The following MACROD2 variants were observed in gnomAD, a reference collection of about 807,000 sequenced individuals.
MACROD2 encodes mono-ADP ribosylhydrolase 2, also known as ADP-ribose glycohydrolase MACROD2.
MACROD2 carries 36 observed loss-of-function variants against 70.4 expected under a neutral mutation model. The observed-to-expected ratio is 0.51, with a 90% confidence interval of 0.39 to 0.68. The LOEUF is 0.68. Among genes scored for constraint, MACROD2 ranks in the 30% least tolerant of loss-of-function variants. The probability of loss-of-function intolerance (pLI) is 0.00; values close to 1 mark genes in which losing one functional copy is unlikely to be tolerated. For synonymous variants in MACROD2, 172 were observed against 178.8 expected (o/e 0.96, Z 0.30); for missense variants, 496 against 538.4 (o/e 0.92, Z 0.78).
At chr20:14,640,131 A>G (rs1262507234) in intron 4 of MACROD2, among the ~76,000 whole-genome samples, 2 of 152,196 alleles carry the variant, frequency 1.3e-5, no homozygotes, top group Non-Finnish European at 2.9e-5. Flanking sequence ...AAATATACTG[A>G]TCACGATTTT....
chr20:14,690,543 A>G (rs1310740483), intron 5 of MACROD2, among the ~76,000 whole-genome samples: 2 of 152,194 alleles, frequency 1.3e-5, no homozygotes, highest in Admixed American at 1.3e-4. Context: ...TGAAATTCCT[A>G]TGAGGAGGTG....
chr20:15,238,463 A>T (rs2077033509), intron 6 of MACROD2, among the ~76,000 whole-genome samples: 1 of 152,028 alleles, frequency 6.6e-6, no homozygotes, highest in South Asian at 2.1e-4. Context: ...ATGCATGTAA[A>T]GTTGTCCATC....
At chr20:15,220,201 C>T (rs1242808854) in intron 5 of MACROD2, among the ~76,000 whole-genome samples, 2 of 152,172 alleles carry the variant, frequency 1.3e-5, no homozygotes, top group African/African-American at 2.4e-5. Context: ...TAACTAGATG[C>T]CATTGCTTGC....
chr20:14,998,310 T>A (rs971230227), intron 5 of MACROD2, among the ~76,000 whole-genome samples: 2 of 152,168 alleles, frequency 1.3e-5, no homozygotes, highest in Non-Finnish European at 2.9e-5. Flanking sequence ...GACAGTGATA[T>A]GTGACCTTTC....
Position 14,025,326 on chromosome 20 carries a change from C to T in MACROD2, c.163+22922C>T, listed in dbSNP as rs1197072778. On this transcript the variant is annotated intron_variant, in intron 2 of 17. Coordinates refer to ENST00000684519, the MANE Select transcript of MACROD2 (RefSeq NM_001351661.2). ...TCTTCAAAACACCAGCTCCTGGATT[C>T]ATTGATGTTTTGACGGGTTTTTCGT... 4.6e-5 allele frequency among the ~76,000 whole-genome samples: 7 copies of T among 152,276 alleles called. No individual in the cohort carries two copies. The East Asian group carries it at 7.7e-4, about 17-fold the overall frequency.
chr20:14,819,634 GC>G (rs1233347783), intron 5 of MACROD2, among the ~76,000 whole-genome samples: 1 of 151,986 alleles, frequency 6.6e-6, no homozygotes, highest in Non-Finnish European at 1.5e-5. Context: ...TGATAAGAGA[GC>G]CCGAAGCCAG....
chr20:15,559,883 C>T (rs2048219239), intron 8 of MACROD2, among the ~76,000 whole-genome samples: 1 of 152,200 alleles, frequency 6.6e-6, no homozygotes, highest in East Asian at 1.9e-4. Flanking sequence ...CTACATTTTG[C>T]AATCCAGTCT....
At chr20:15,661,048 C>T (rs924939299) in intron 8 of MACROD2, among the ~76,000 whole-genome samples, 2 of 152,142 alleles carry the variant, frequency 1.3e-5, no homozygotes, top group African/African-American at 4.8e-5. Context: ...CAACTGGTCT[C>T]TTACTATTTG....
chr20:15,385,086 C>T (rs1414569000), intron 6 of MACROD2, among the ~76,000 whole-genome samples: 2 of 152,074 alleles, frequency 1.3e-5, no homozygotes, highest in African/African-American at 2.4e-5. Flanking sequence ...TCTTGAGAGT[C>T]GTATCTGAGG....
At chr20:15,774,143 A>C (rs2051682231) in intron 8 of MACROD2, among the ~76,000 whole-genome samples, 1 of 152,162 alleles carries the variant, frequency 6.6e-6, no homozygotes, top group Non-Finnish European at 1.5e-5. Context: ...GCTCTAAGAC[A>C]GTTGCAACCA....
chr20:14,648,636 ATC>A (rs1051768590), intron 4 of MACROD2, among the ~76,000 whole-genome samples: 33 of 151,710 alleles, frequency 2.2e-4, no homozygotes, highest in African/African-American at 6.1e-4. Flanking sequence ...ATATATATAT[ATC>A]TATCTATCTC....
chr20:15,398,156 A>G (rs1217883693), intron 6 of MACROD2, among the ~76,000 whole-genome samples: 3 of 152,180 alleles, frequency 2.0e-5, no homozygotes, highest in Non-Finnish European at 2.9e-5. Flanking sequence ...CAAATTGCTA[A>G]TTATTCCCTG....
At chr20:14,494,251 T>C (rs2123107565) in intron 4 of MACROD2, among the ~76,000 whole-genome samples, 1 of 152,180 alleles carries the variant, frequency 6.6e-6, no homozygotes, top group Admixed American at 6.5e-5. Flanking sequence ...GTTTGTTTCC[T>C]CTTTCCCTGT....
intron 3 of MACROD2, among the ~76,000 whole-genome samples, chr20:14,356,930 T>C (rs543926122): frequency 6.6e-5 from 10 of 152,308 alleles, no homozygotes; most frequent in African/African-American, 1.7e-4. Flanking sequence ...TTCAGGACTG[T>C]CCAGGCTTCC....
At chr20:14,218,457 C>T (rs1443391190) in intron 3 of MACROD2, among the ~76,000 whole-genome samples, 1 of 152,150 alleles carries the variant, frequency 6.6e-6, no homozygotes, top group Admixed American at 6.5e-5. Flanking sequence ...GAGTTCTTAT[C>T]CATTCTGCAG....
chr20:14,492,023 C>T (rs930553137), intron 3 of MACROD2, among the ~76,000 whole-genome samples: 1 of 152,092 alleles, frequency 6.6e-6, no homozygotes, highest in Admixed American at 6.6e-5. Flanking sequence ...TTCTCTTTTC[C>T]ACTAAAGGGT....
chr20:15,075,475 A>C (rs756412089), intron 5 of MACROD2, among the ~76,000 whole-genome samples: 3 of 152,162 alleles, frequency 2.0e-5, no homozygotes, highest in Non-Finnish European at 4.4e-5. Context: ...TAACAGGAAA[A>C]CCAAAATTAG....
intron 8 of MACROD2, among the ~76,000 whole-genome samples, chr20:15,560,719 C>G (rs1445622914): frequency 7.4e-6 from 1 of 134,256 alleles, no homozygotes; most frequent in Non-Finnish European, 1.5e-5. Flanking sequence ...GACTAGATTG[C>G]ACCACTGCAC....
chr20:14,513,885 C>T (rs1475625870), intron 4 of MACROD2, among the ~76,000 whole-genome samples: 1 of 151,890 alleles, frequency 6.6e-6, no homozygotes, highest in East Asian at 1.9e-4. Flanking sequence ...AATTTCTTCT[C>T]CCCCTTTTCT....
Sources: gnomAD v4.1 joint callset for allele counts (sites outside exome capture counted in the v4.1 genomes callset) on GRCh38, gnomAD v4.1.1 for gene constraint, MANE v1.5 for transcripts, NCBI Gene and HGNC (gene_info 2026-07-23, HGNC 2026-07-21) for gene names.